MICU1: variants seen among roughly 807,000 people sequenced by gnomAD.
MICU1 encodes mitochondrial calcium uptake 1.
In MICU1, 45 loss-of-function variants were observed where a neutral mutation model predicts 56.8. The ratio of observed to expected loss-of-function variants is 0.79; its 90% confidence interval spans 0.62 to 1.02. MICU1 has a LOEUF of 1.02. MICU1 is among the 50% of genes least tolerant of loss of function. The pLI, the probability that MICU1 is intolerant of heterozygous loss-of-function variation, is 0.00. For missense variants in MICU1, 504 were observed against 587.1 expected (o/e 0.86, Z 1.46); for synonymous variants, 186 against 195.1 (o/e 0.95, Z 0.39).
At position 72,498,396 on chromosome 10, in the gene MICU1, G is replaced by A. The variant is rs112799217; in HGVS notation, c.652+9759C>T. Among the ~76,000 whole-genome samples the A allele has an allele frequency of 5.7e-3, 863 of 152,220 alleles. 6 individuals carry two copies. The highest frequency in any genetic ancestry group is 0.02 in the African/African-American group (822 of 41,528). On this transcript the variant is annotated intron_variant, in intron 6 of 11. Transcript: ENST00000361114. Reference sequence around the variant, plus strand: ...AGGTCAGGAGGTCGAGACCAGCCTGGCCAACACGGTGAAACCCCGTCTCTA... The same window carrying A: ...AGGTCAGGAGGTCGAGACCAGCCTGACCAACACGGTGAAACCCCGTCTCTA...
intron 10 of MICU1, among the ~76,000 whole-genome samples, chr10:72,400,723 G>GCA (rs1863423615): frequency 6.6e-6 from 1 of 152,072 alleles, no homozygotes; most frequent in South Asian, 2.1e-4. Context: ...TCCAACCTGG[G>GCA]CAACAAGAGC....
At chr10:72,430,534 T>C (rs922308636) in intron 8 of MICU1, among the ~76,000 whole-genome samples, 1 of 152,064 alleles carries the variant, frequency 6.6e-6, no homozygotes, top group Non-Finnish European at 1.5e-5. Flanking sequence ...TTGAAGCCCA[T>C]GCCCTGCCTC....
intron 10 of MICU1, among the ~76,000 whole-genome samples, chr10:72,376,802 T>A (rs995604009): frequency 2.6e-5 from 4 of 152,082 alleles, no homozygotes; most frequent in Admixed American, 2.0e-4. Context: ...TACAACATTG[T>A]GAATGTAATT....
chr10:72,570,944 C>T (rs1325550756), intron 1 of MICU1, among the ~76,000 whole-genome samples: 2 of 151,928 alleles, frequency 1.3e-5, no homozygotes, highest in South Asian at 2.1e-4. Flanking sequence ...CACTGCTCTT[C>T]GCTACAGCAA....
chr10:72,539,709 TTAG>T (rs762771665), intron 4 of MICU1, among the ~76,000 whole-genome samples: 11 of 151,700 alleles, frequency 7.3e-5, no homozygotes, highest in Non-Finnish European at 1.6e-4. Context: ...CAACTAAATA[TTAG>T]TAGGAGGAAG....
intron 10 of MICU1, among the ~76,000 whole-genome samples, chr10:72,407,610 G>A (rs1222900073): frequency 6.6e-6 from 1 of 152,160 alleles, no homozygotes; most frequent in Non-Finnish European, 1.5e-5. Flanking sequence ...GCTTCACATT[G>A]TATATATAAT....
intron 8 of MICU1, among the ~76,000 whole-genome samples, chr10:72,456,982 TGTGTTTTG>T (rs1308545731): frequency 4.0e-5 from 6 of 148,734 alleles, no homozygotes; most frequent in African/African-American, 1.0e-4. Context: ...TGTGTGTGTG[TGTGTTTTG>T]TTTGTTTGTT....
At chr10:72,418,971 A>G (rs906820369) in intron 9 of MICU1, among the ~76,000 whole-genome samples, 14 of 152,156 alleles carry the variant, frequency 9.2e-5, no homozygotes, top group African/African-American at 2.9e-4. Context: ...AACACCGCAG[A>G]TTTTCATCAT....
intron 8 of MICU1, among the ~76,000 whole-genome samples, chr10:72,473,608 T>G (rs1184294080): frequency 6.6e-6 from 1 of 151,862 alleles, no homozygotes; most frequent in African/African-American, 2.4e-5. Context: ...ATTTAGACAC[T>G]CCAGTGCACC....
At chr10:72,390,629 T>C (rs1457712423) in intron 10 of MICU1, among the ~76,000 whole-genome samples, 1 of 152,208 alleles carries the variant, frequency 6.6e-6, no homozygotes, top group Non-Finnish European at 1.5e-5. Flanking sequence ...GAAGAGACAG[T>C]GCCAGGGCCT....
chr10:72,456,199 T>C (rs1464608808), intron 8 of MICU1, among the ~76,000 whole-genome samples: 2 of 152,120 alleles, frequency 1.3e-5, no homozygotes, highest in Non-Finnish European at 2.9e-5. Flanking sequence ...TTGCAATGAG[T>C]CTAACACTAT....
intron 6 of MICU1, among the ~76,000 whole-genome samples, chr10:72,488,869 C>G (rs2132298302): frequency 6.6e-6 from 1 of 152,240 alleles, no homozygotes; most frequent in East Asian, 1.9e-4. Flanking sequence ...AAGACTATAC[C>G]AGACAAAATA....
intron 2 of MICU1, 82 bp downstream of exon 2, chr10:72,566,551 A>G: frequency 7.1e-7 from 1 of 1,404,038 alleles, no homozygotes; most frequent in African/African-American, 1.4e-5. Context: ...GAGTTAAGCC[A>G]GAAATCAACT....
At chr10:72,383,558 T>C (rs1862790048) in intron 10 of MICU1, among the ~76,000 whole-genome samples, 1 of 152,232 alleles carries the variant, frequency 6.6e-6, no homozygotes, top group East Asian at 1.9e-4. Flanking sequence ...CTGCATAGTA[T>C]TCCACTGACA....
chr10:72,474,962 C>G, intron 8 of MICU1, 138 bp downstream of exon 8: 1 of 671,484 alleles, frequency 1.5e-6, no homozygotes, highest in East Asian at 2.9e-5. Context: ...TATCTGCTGT[C>G]AGTTTATAAA....
intron 6 of MICU1, among the ~76,000 whole-genome samples, chr10:72,479,365 C>T (rs1449679798): frequency 1.3e-5 from 2 of 152,172 alleles, no homozygotes; most frequent in African/African-American, 2.4e-5. Flanking sequence ...AAACATGACA[C>T]AGTGGTTATG....
intron 9 of MICU1, among the ~76,000 whole-genome samples, chr10:72,421,930 G>A (rs896003593): frequency 6.6e-6 from 1 of 152,108 alleles, no homozygotes; most frequent in African/African-American, 2.4e-5. Flanking sequence ...TCTGAGCTCA[G>A]CTCAGGCCAC....
intron 4 of MICU1, among the ~76,000 whole-genome samples, chr10:72,543,581 C>T (rs1369408771): frequency 2.6e-5 from 4 of 152,090 alleles, no homozygotes; most frequent in African/African-American, 7.2e-5. Context: ...TAGGGACGAA[C>T]GTGGTGGCTC....
intron 1 of MICU1, among the ~76,000 whole-genome samples, chr10:72,594,629 T>C (rs1347562863): frequency 2.0e-5 from 3 of 151,964 alleles, no homozygotes; most frequent in African/African-American, 7.2e-5. Context: ...CCAGGTGTGG[T>C]GGCTCACATC....
Sources: gnomAD v4.1 joint callset for allele counts (sites outside exome capture counted in the v4.1 genomes callset) on GRCh38, gnomAD v4.1.1 for gene constraint, MANE v1.5 for transcripts, NCBI Gene and HGNC (gene_info 2026-07-23, HGNC 2026-07-21) for gene names.